The following CELF4 variants were observed in gnomAD, a reference collection of about 807,000 sequenced individuals.
CELF4 encodes CUGBP Elav-like family member 4.
In CELF4, 18 loss-of-function variants were observed where a neutral mutation model predicts 59.9. The observed-to-expected ratio is 0.30, with a 90% confidence interval of 0.21 to 0.45. The LOEUF (loss-of-function observed/expected upper bound fraction) is 0.45, where lower values mean the gene tolerates loss of function less well. Among genes scored for constraint, CELF4 ranks in the 20% least tolerant of loss-of-function variants. The pLI is 1.00. For missense variants in CELF4, 456 were observed against 689.0 expected (o/e 0.66, Z 3.79); for synonymous variants, 261 against 267.1 (o/e 0.98, Z 0.22).
intron 2 of CELF4, among the ~76,000 whole-genome samples, chr18:37,441,350 G>C (rs2099719617): frequency 6.6e-6 from 1 of 151,894 alleles, no homozygotes; most frequent in African/African-American, 2.4e-5. Flanking sequence ...GCAGGCCTGT[G>C]GGGGCTGTAA....
chr18:37,514,160 C>T (rs2099947894), intron 1 of CELF4, among the ~76,000 whole-genome samples: 1 of 152,122 alleles, frequency 6.6e-6, no homozygotes, highest in South Asian at 2.1e-4. Flanking sequence ...TGTACCCTGA[C>T]CCATCTCAAA....
chr18:37,275,294 G>A, intron 3 of CELF4, 51 bp from the exon 4 acceptor site: 1 of 1,607,820 alleles, frequency 6.2e-7, no homozygotes, highest in Non-Finnish European at 8.5e-7. Context: ...GGGCTGCGCG[G>A]GAGCAGGGCA....
At chr18:37,431,513 G>A (rs1485819785) in intron 2 of CELF4, among the ~76,000 whole-genome samples, 4 of 151,654 alleles carry the variant, frequency 2.6e-5, no homozygotes, top group East Asian at 1.9e-4. Flanking sequence ...GACTACAGGC[G>A]CCCGCCACCA....
chr18:37,418,601 T>A (rs1029839593), intron 2 of CELF4, among the ~76,000 whole-genome samples: 1 of 152,380 alleles, frequency 6.6e-6, no homozygotes. Context: ...TCTGGCTGTG[T>A]TCCTCCCACA....
At chr18:37,360,406 G>C (rs1251841867) in intron 2 of CELF4, among the ~76,000 whole-genome samples, 1 of 152,238 alleles carries the variant, frequency 6.6e-6, no homozygotes, top group Non-Finnish European at 1.5e-5. Context: ...CTGTGAGCAA[G>C]GCCTTCTGCA....
At chr18:37,360,441 T>TG (rs1034552228) in intron 2 of CELF4, among the ~76,000 whole-genome samples, 1 of 152,110 alleles carries the variant, frequency 6.6e-6, no homozygotes, top group African/African-American at 2.4e-5. Flanking sequence ...GACCCCTGAG[T>TG]GGGGGGATCC....
intron 1 of CELF4, among the ~76,000 whole-genome samples, chr18:37,544,609 A>G (rs1042728478): frequency 6.6e-6 from 1 of 152,170 alleles, no homozygotes; most frequent in Admixed American, 6.5e-5. Context: ...GTACGTATGT[A>G]TGTGTGTAAG....
intron 2 of CELF4, among the ~76,000 whole-genome samples, chr18:37,328,179 G>A (rs2097394495): frequency 6.6e-6 from 1 of 152,242 alleles, no homozygotes; most frequent in South Asian, 2.1e-4. Context: ...GTGTGCAACT[G>A]ATTAGTGCTA....
intron 3 of CELF4, among the ~76,000 whole-genome samples, chr18:37,318,240 C>G (rs1478604698): frequency 6.6e-6 from 1 of 151,932 alleles, no homozygotes; most frequent in African/African-American, 2.4e-5. Flanking sequence ...CCACTGTGCC[C>G]CAGTCTTCCC....
At chr18:37,328,194 A>T (rs1381031704) in intron 2 of CELF4, among the ~76,000 whole-genome samples, 1 of 152,246 alleles carries the variant, frequency 6.6e-6, no homozygotes, top group African/African-American at 2.4e-5. Flanking sequence ...GTGCTATGTG[A>T]CATCACAGAC....
chr18:37,523,383 G>A (rs576646696), intron 1 of CELF4, among the ~76,000 whole-genome samples: 1 of 152,348 alleles, frequency 6.6e-6, no homozygotes, highest in East Asian at 1.9e-4. Flanking sequence ...TCCAGGGGTA[G>A]ACATGCCCAA....
intron 2 of CELF4, among the ~76,000 whole-genome samples, chr18:37,337,553 G>A (rs538269921): frequency 1.3e-5 from 2 of 152,182 alleles, no homozygotes; most frequent in Non-Finnish European, 2.9e-5. Flanking sequence ...TCTGACTGCA[G>A]CCCTGGCATG....
chr18:37,385,644 C>A (rs7229706), intron 2 of CELF4, among the ~76,000 whole-genome samples: 1 of 152,194 alleles, frequency 6.6e-6, no homozygotes. Context: ...TTCTGCAAAC[C>A]CTGCCTTGGG....
At chr18:37,272,572 GAAAAAA>G (rs397692958) in intron 7 of CELF4, among the ~76,000 whole-genome samples, 12 of 104,950 alleles carry the variant, frequency 1.1e-4, no homozygotes, top group African/African-American at 2.5e-4. Context: ...AAAGGGAAAT[GAAAAAA>G]AAAAAAAAAA....
intron 2 of CELF4, among the ~76,000 whole-genome samples, chr18:37,353,755 G>A (rs1361066314): frequency 3.6e-5 from 5 of 140,430 alleles, no homozygotes; most frequent in Admixed American, 7.8e-5. Flanking sequence ...GGGGCGGGGG[G>A]GGCAGTTCTT....
At chr18:37,468,007 TGA>T (rs1260050155) in intron 2 of CELF4, among the ~76,000 whole-genome samples, 4 of 152,330 alleles carry the variant, frequency 2.6e-5, no homozygotes, top group African/African-American at 9.6e-5. Flanking sequence ...GTTTGAGTGA[TGA>T]GTGTGCAGCT....
chr18:37,564,794 C>T (rs1257424094), intron 1 of CELF4, among the ~76,000 whole-genome samples: 1 of 152,044 alleles, frequency 6.6e-6, no homozygotes, highest in African/African-American at 2.4e-5. Flanking sequence ...TATTGAGGCA[C>T]ACAGCTCGAC....
At chr18:37,279,139 G>T (rs997671552) in intron 3 of CELF4, among the ~76,000 whole-genome samples, 1 of 152,154 alleles carries the variant, frequency 6.6e-6, no homozygotes, top group African/African-American at 2.4e-5. Flanking sequence ...AGGCTCTGGT[G>T]GTCCCCATGT....
intron 2 of CELF4, among the ~76,000 whole-genome samples, chr18:37,342,787 T>C (rs1161765246): frequency 2.0e-5 from 3 of 152,242 alleles, no homozygotes. Flanking sequence ...GTGAGCTACA[T>C]GGGACAAAAA....
Sources: allele counts gnomAD v4.1 joint callset (sites outside exome capture counted in the v4.1 genomes callset), GRCh38; gene constraint gnomAD v4.1.1; transcripts MANE v1.5; gene names NCBI Gene and HGNC (gene_info 2026-07-23, HGNC 2026-07-21).